The following TENM3 variants were observed in gnomAD, a reference collection of about 807,000 sequenced individuals.
TENM3 encodes the protein teneurin-3.
TENM3 carries 63 observed loss-of-function variants against 255.1 expected under a neutral mutation model. That is an observed-to-expected ratio of 0.25 (90% CI 0.20 to 0.30). TENM3 has a LOEUF of 0.30. Ranked by LOEUF, TENM3 falls within the 10% of genes least tolerant of loss-of-function variation. The probability of loss-of-function intolerance (pLI) is 1.00; values close to 1 mark genes in which losing one functional copy is unlikely to be tolerated. For missense variants in TENM3, 2,929 were observed against 3,461.1 expected, an observed-to-expected ratio of 0.85 and a Z score of 3.86; for synonymous variants, 1,306 against 1,322.3, an observed-to-expected ratio of 0.99 and a Z score of 0.27.
chr4:182,474,563 C>A (rs1377119829), intron 3 of TENM3, among the ~76,000 whole-genome samples: 1 of 152,138 alleles, frequency 6.6e-6, no homozygotes, highest in Non-Finnish European at 1.5e-5. Flanking sequence ...TGAGAACTGT[C>A]CCAGATTGAA....
chr4:182,395,931 T>A lies in TENM3; in HGVS notation c.511+49002T>A, dbSNP rs1768775132. ...AAAATTGTTTTGTCTTAGAACTACC[T>A]AATTCACTGTCCCCAAATTGTTATT... On this transcript the variant is annotated intron_variant, in intron 3 of 27. Transcript: ENST00000511685. Among the ~76,000 whole-genome samples, 3 of 152,250 alleles carry A rather than the reference T, an allele frequency of 2.0e-5. No individual in the cohort carries two copies. The South Asian group carries it at 6.2e-4, about 31-fold the overall frequency.
At chr4:182,064,348 A>G in the TENM3 span, among the ~76,000 whole-genome samples, 2 of 152,002 alleles carry the variant, frequency 1.3e-5, no homozygotes, top group Non-Finnish European at 2.9e-5. Context: ...GGAGGCTGAG[A>G]AGGGCGGATC....
chr4:182,428,733 G>A (rs4241746), intron 3 of TENM3, among the ~76,000 whole-genome samples: 106,201 of 151,914 alleles, frequency 0.7, 37,490 homozygotes, highest in East Asian at 0.92. Context: ...AAAATATAAG[G>A]TGCATTTTAA....
At chr4:182,476,389 A>G (rs550708051) in intron 3 of TENM3, among the ~76,000 whole-genome samples, 16 of 152,330 alleles carry the variant, frequency 1.1e-4, no homozygotes, top group African/African-American at 3.8e-4. Context: ...AGCATATTAA[A>G]GTATTTAAGA....
chr4:181,762,964 T>C, the TENM3 span, among the ~76,000 whole-genome samples: 1 of 152,180 alleles, frequency 6.6e-6, no homozygotes, highest in Non-Finnish European at 1.5e-5. Flanking sequence ...ATATATATTC[T>C]ACTTTCAAGG....
chr4:182,770,797 G>A (rs1297142040), intron 22 of TENM3, among the ~76,000 whole-genome samples: 2 of 152,196 alleles, frequency 1.3e-5, no homozygotes, highest in Admixed American at 6.5e-5. Flanking sequence ...AGCTTGCACG[G>A]AAAGGCTGTT....
At chr4:182,185,607 A>G (rs1392279278) in intron 1 of TENM3, among the ~76,000 whole-genome samples, 9 of 152,202 alleles carry the variant, frequency 5.9e-5, no homozygotes, top group Non-Finnish European at 1.0e-4. Flanking sequence ...TTACAATTCC[A>G]TCATTACTCT....
chr4:182,011,527 C>T, the TENM3 span, among the ~76,000 whole-genome samples: 1 of 152,150 alleles, frequency 6.6e-6, no homozygotes, highest in Non-Finnish European at 1.5e-5. Context: ...TACTCCCATG[C>T]CTACACTTCT....
the TENM3 span, among the ~76,000 whole-genome samples, chr4:182,130,210 A>C: frequency 6.6e-6 from 1 of 152,312 alleles, no homozygotes; most frequent in African/African-American, 2.4e-5. Flanking sequence ...TTATCGAGTT[A>C]AAGAAATTAT....
At chr4:182,261,352 C>A (rs1758778715) in intron 1 of TENM3, among the ~76,000 whole-genome samples, 1 of 152,086 alleles carries the variant, frequency 6.6e-6, no homozygotes, top group South Asian at 2.1e-4. Context: ...ATGAACATTG[C>A]CCTTCAGAGA....
the TENM3 span, among the ~76,000 whole-genome samples, chr4:181,995,375 T>C: frequency 1.3e-5 from 2 of 152,128 alleles, no homozygotes; most frequent in Admixed American, 1.3e-4. Context: ...ACATACACTC[T>C]AAGTCAATTG....
the TENM3 span, among the ~76,000 whole-genome samples, chr4:181,909,362 C>T: frequency 3.9e-5 from 6 of 152,262 alleles, no homozygotes; most frequent in South Asian, 1.2e-3. Flanking sequence ...GGTCTATTCC[C>T]CACATCTTGA....
chr4:182,483,680 A>G (rs928763159), intron 3 of TENM3, among the ~76,000 whole-genome samples: 1 of 152,070 alleles, frequency 6.6e-6, no homozygotes, highest in Non-Finnish European at 1.5e-5. Flanking sequence ...TAAAAAAACT[A>G]CCTGATACTG....
chr4:182,244,433 T>G (rs2150083605), intron 1 of TENM3, among the ~76,000 whole-genome samples: 1 of 152,346 alleles, frequency 6.6e-6, no homozygotes, highest in East Asian at 1.9e-4. Flanking sequence ...TGACAGCTAC[T>G]TCTGATGAGG....
chr4:181,485,114 A>T, the TENM3 span, among the ~76,000 whole-genome samples: 1 of 152,278 alleles, frequency 6.6e-6, no homozygotes, highest in East Asian at 1.9e-4. Flanking sequence ...AATTTTTCTG[A>T]GTGAGAATTT....
intron 3 of TENM3, among the ~76,000 whole-genome samples, chr4:182,390,250 C>T (rs918982194): frequency 6.6e-6 from 1 of 152,134 alleles, no homozygotes; most frequent in Admixed American, 6.5e-5. Context: ...TTGTACTGCC[C>T]AGTCCCAGTG....
At chr4:182,000,396 C>T in the TENM3 span, among the ~76,000 whole-genome samples, 1 of 151,986 alleles carries the variant, frequency 6.6e-6, no homozygotes, top group Admixed American at 6.6e-5. Flanking sequence ...TCTCCCAAAG[C>T]ATTGAGAACC....
chr4:182,437,789 C>G (rs1772153689), intron 3 of TENM3, among the ~76,000 whole-genome samples: 1 of 134,306 alleles, frequency 7.4e-6, no homozygotes, highest in South Asian at 2.8e-4. Flanking sequence ...CAGAGCGAGA[C>G]TCCGTCTAAA....
intron 3 of TENM3, among the ~76,000 whole-genome samples, chr4:182,568,626 G>C (rs1744037338): frequency 6.6e-6 from 1 of 152,164 alleles, no homozygotes; most frequent in Non-Finnish European, 1.5e-5. Flanking sequence ...ACACTTACTT[G>C]TGAGCCAGTA....
Sources: allele counts gnomAD v4.1 joint callset (sites outside exome capture counted in the v4.1 genomes callset), GRCh38; gene constraint gnomAD v4.1.1; transcripts MANE v1.5; gene names NCBI Gene and HGNC (gene_info 2026-07-23, HGNC 2026-07-21).